Variants in PTPN13 observed in about 807,000 individuals in gnomAD.
The protein encoded by PTPN13 is tyrosine-protein phosphatase non-receptor type 13.
A neutral mutation model predicts 284.0 loss-of-function variants in PTPN13; 191 were observed. The observed-to-expected ratio is 0.67, with a 90% CI of 0.60 to 0.76. PTPN13 has a LOEUF of 0.76. PTPN13 is among the 30% of genes least tolerant of loss of function. The probability of loss-of-function intolerance (pLI) is 0.00; values close to 1 mark genes in which losing one functional copy is unlikely to be tolerated. For synonymous variants in PTPN13, 986 were observed against 1,022.3 expected, an observed-to-expected ratio of 0.96 and a Z score of 0.68; for missense variants, 2,797 against 2,939.9, an observed-to-expected ratio of 0.95 and a Z score of 1.12.
chr4:86,747,273 C>A (rs1486341741), intron 17 of PTPN13, among the ~76,000 whole-genome samples: 1 of 152,178 alleles, frequency 6.6e-6, no homozygotes, highest in East Asian at 1.9e-4. Flanking sequence ...AAACTTTGGG[C>A]AAGCTACTTA....
chr4:86,805,313 T>C lies in PTPN13; in HGVS notation c.6689T>C (p.Leu2230Pro). ...GAATTAAAACCTTTGGATCAGTGTCTAATTGGGCAAACTAAGGAAAACAGA... is the reference window on the plus strand; with the variant it reads ...GAATTAAAACCTTTGGATCAGTGTCCAATTGGGCAAACTAAGGAAAACAGA... ...LQELKPLDQCLIGQTKENRRK... is the reference protein window; with the variant it reads ...LQELKPLDQCPIGQTKENRRK... Residue 2230 changes from leucine to proline, a missense_variant, in exon 44 of 48, where the codon CTA becomes CCA. Coordinates refer to ENST00000411767, the MANE Select transcript of PTPN13 (RefSeq NM_080683.3). 1 of 1,601,894 alleles carries C rather than the reference T, an allele frequency of 6.2e-7. No individual in the cohort carries two copies. The highest frequency in any genetic ancestry group is 1.1e-5 in the South Asian group (1 of 89,738).
At chr4:86,629,491 C>T (rs1347244191) in intron 1 of PTPN13, among the ~76,000 whole-genome samples, 1 of 152,014 alleles carries the variant, frequency 6.6e-6, no homozygotes, top group African/African-American at 2.4e-5. Context: ...CACTTTTACA[C>T]TGTTGGTGGG....
intron 1 of PTPN13, among the ~76,000 whole-genome samples, chr4:86,626,626 G>T (rs1354333249): frequency 3.3e-5 from 5 of 152,088 alleles, no homozygotes; most frequent in Non-Finnish European, 7.4e-5. Flanking sequence ...TAGTGAGAGT[G>T]CAAAGATGCT....
At chr4:86,780,577 A>ACGGCCGGGCGCGGTGGCT in intron 36 of PTPN13, 105 bp downstream of exon 36, 1 of 769,406 alleles carries the variant, frequency 1.3e-6, no homozygotes, top group East Asian at 2.7e-5. Flanking sequence ...ATTATAACTT[A>ACGGCCGGGCGCGGTGGCT]CACCTAAAAT....
At chr4:86,728,985 G>T (rs1734640851) in intron 10 of PTPN13, among the ~76,000 whole-genome samples, 1 of 148,778 alleles carries the variant, frequency 6.7e-6, no homozygotes, top group African/African-American at 2.5e-5. Context: ...GGTACTGGTT[G>T]TTCCTATCCA....
At chr4:86,649,867 A>T (rs1399225411) in intron 2 of PTPN13, among the ~76,000 whole-genome samples, 1 of 152,250 alleles carries the variant, frequency 6.6e-6, no homozygotes, top group African/African-American at 2.4e-5. Flanking sequence ...AGCTACAGAC[A>T]TGCATCATGC....
intron 40 of PTPN13, among the ~76,000 whole-genome samples, chr4:86,791,788 A>C (rs1742704744): frequency 6.6e-6 from 1 of 152,210 alleles, no homozygotes; most frequent in Admixed American, 6.5e-5. Flanking sequence ...GGAAACTAAC[A>C]AACAGAAAGG....
At chr4:86,680,387 A>G (rs1728759534) in intron 3 of PTPN13, among the ~76,000 whole-genome samples, 2 of 150,116 alleles carry the variant, frequency 1.3e-5, no homozygotes, top group East Asian at 2.0e-4. Flanking sequence ...CTATCTATCT[A>G]TCTATCTATC....
Position 86,753,077 on chromosome 4 carries a change from A to G in PTPN13, c.3223+12A>G. The G allele has an allele frequency of 6.3e-7, 1 of 1,596,040 alleles. No individual in the cohort carries two copies. Among genetic ancestry groups the G allele is most frequent in the Non-Finnish European group, 8.6e-7 (1 of 1,165,538 alleles). ...CTTAAAAGAAAATGGTAGGTTTACAAAATGTTTTTCCCCTCATTTCCATCA... is the reference window on the plus strand; with the variant it reads ...CTTAAAAGAAAATGGTAGGTTTACAGAATGTTTTTCCCCTCATTTCCATCA... On this transcript the variant is annotated intron_variant, in intron 20 of 47. Coordinates refer to ENST00000411767, the MANE Select transcript of PTPN13 (RefSeq NM_080683.3).
At chr4:86,735,002 C>T in intron 14 of PTPN13, 127 bp downstream of exon 14, 2 of 1,045,522 alleles carry the variant, frequency 1.9e-6, no homozygotes, top group South Asian at 1.8e-5. Flanking sequence ...TCTTTGGTTC[C>T]TCAGAATGAC....
Position 86,782,035 on chromosome 4 carries a change from A to G in PTPN13, c.5963-166A>G, listed in dbSNP as rs1198013265. 2.0e-5 allele frequency among the ~76,000 whole-genome samples: 3 copies of G among 152,256 alleles called. No individual in the cohort carries two copies. The East Asian group carries it at 5.8e-4, about 29-fold the overall frequency. On this transcript the variant is annotated intron_variant, in intron 36 of 47. Coordinates refer to ENST00000411767, the MANE Select transcript of PTPN13 (RefSeq NM_080683.3). The stretch of plus-strand genomic sequence containing the variant: ...AAAAATATTAGAGGTTTGGAATCAA[A>G]TATTATTCCATTTATTTGGTTTTTA...
In PTPN13 at chr4:86,814,589, C is replaced by T. The variant is rs1417515204; in HGVS notation, c.*38C>T. 1 of 1,517,864 alleles carries T rather than the reference C, an allele frequency of 6.6e-7. No homozygotes were observed. The highest frequency in any genetic ancestry group is 9.1e-7 in the Non-Finnish European group (1 of 1,094,688). 94.0% of individuals were successfully genotyped at this position (1,517,864 alleles called of 1,614,324 possible). A position where few individuals can be genotyped will look rare whatever the true frequency, so the allele number is the denominator to read the frequency against. ...CTCTGGATGCATTTCCATTTCTCTC[C>T]TTAACCTCCAGCAGACTCCTGCTCT... On this transcript the variant is annotated 3_prime_UTR_variant, in exon 48 of 48. Coordinates refer to ENST00000411767, the MANE Select transcript of PTPN13 (RefSeq NM_080683.3).
At chr4:86,685,478 A>T (rs779786520) in intron 3 of PTPN13, among the ~76,000 whole-genome samples, 4 of 152,142 alleles carry the variant, frequency 2.6e-5, no homozygotes, top group Non-Finnish European at 5.9e-5. Context: ...GAGTGGTTTT[A>T]CATGCCTTTA....
chr4:86,777,705 C>A (rs1289978689), intron 35 of PTPN13, among the ~76,000 whole-genome samples: 1 of 152,116 alleles, frequency 6.6e-6, no homozygotes, highest in Non-Finnish European at 1.5e-5. Flanking sequence ...AGTATGGGAA[C>A]TTGTTGATCA....
intron 6 of PTPN13, among the ~76,000 whole-genome samples, chr4:86,696,807 TTTTG>T (rs1730639036): frequency 6.6e-6 from 1 of 151,984 alleles, no homozygotes; most frequent in Non-Finnish European, 1.5e-5. Context: ...ATTAACCAAA[TTTTG>T]TTTGTGTTTC....
Position 86,767,835 on chromosome 4 carries a change from GA to G in PTPN13, c.4352del (p.Lys1451ArgfsTer13). 1 of 1,585,872 alleles carries G rather than the reference GA, an allele frequency of 6.3e-7. No individual in the cohort carries two copies. The highest frequency in any genetic ancestry group is 1.8e-5 in the Admixed American group (1 of 55,690). On this transcript the variant is annotated frameshift_variant, in exon 28 of 48. Coordinates refer to ENST00000411767, the MANE Select transcript of PTPN13 (RefSeq NM_080683.3). LOFTEE classifies it high-confidence loss of function. Reference protein sequence around the residue: ...NTGQVVHLLLEKGQSPTSKEH... With the variant: ...NTGQVVHLLLXKGQSPTSKEH... ...TATCCAGGTGGTTCATCTGTTATTA[GA>G]AAAGGGACAATCTCCAACATCTAAA... is the stretch of plus-strand genomic sequence containing the variant.
At chr4:86,619,182 A>G (rs1347508292) in intron 1 of PTPN13, among the ~76,000 whole-genome samples, 1 of 152,198 alleles carries the variant, frequency 6.6e-6, no homozygotes, top group Non-Finnish European at 1.5e-5. Context: ...AGTGTACTGT[A>G]TTCAACCTTA....
At chr4:86,603,281 G>GAGGACAAGTGTAC (rs200849456) in intron 1 of PTPN13, among the ~76,000 whole-genome samples, 7,065 of 152,168 alleles carry the variant, frequency 0.046, 223 homozygotes, top group African/African-American at 0.06. Flanking sequence ...ACTTGTCCTT[G>GAGGACAAGTGTAC]TTTACCCTTC....
At chr4:86,761,971 G>A (rs942582647) in intron 23 of PTPN13, among the ~76,000 whole-genome samples, 1 of 151,978 alleles carries the variant, frequency 6.6e-6, no homozygotes, top group Admixed American at 6.6e-5. Context: ...TTTTCAAGTG[G>A]CGTTTTGTTT....
Sources: allele counts gnomAD v4.1 joint callset (sites outside exome capture counted in the v4.1 genomes callset), GRCh38; gene constraint gnomAD v4.1.1; transcripts MANE v1.5; gene names NCBI Gene and HGNC (gene_info 2026-07-23, HGNC 2026-07-21).